Variants in PLA2R1 observed in about 807,000 individuals in gnomAD.
The protein encoded by PLA2R1 is phospholipase A2 receptor 1.
PLA2R1 carries 158 observed loss-of-function variants against 195.9 expected under a neutral mutation model. That is an observed-to-expected ratio of 0.81 (90% confidence interval 0.71 to 0.92). The LOEUF is 0.92. Ranked by LOEUF, PLA2R1 falls within the 40% of genes least tolerant of loss-of-function variation. PLA2R1 has a pLI of 0.00. For missense variants in PLA2R1, 1,626 were observed against 1,764.6 expected (o/e 0.92, Z 1.41); for synonymous variants, 586 against 598.2 (o/e 0.98, Z 0.30).
intron 3 of PLA2R1, among the ~76,000 whole-genome samples, chr2:160,040,302 C>T (rs1407310662): frequency 6.6e-6 from 1 of 151,654 alleles, no homozygotes; most frequent in Non-Finnish European, 1.5e-5. Flanking sequence ...TGCACCCCAC[C>T]CCCACATTGT....
chr2:159,962,241 T>C (rs1417316407), intron 20 of PLA2R1, among the ~76,000 whole-genome samples: 1 of 152,104 alleles, frequency 6.6e-6, no homozygotes, highest in Non-Finnish European at 1.5e-5. Context: ...AACAGACACT[T>C]CTCAAAAGAA....
At chr2:159,987,127 T>C (rs1341402747) in intron 12 of PLA2R1, 29 bp downstream of exon 12, 1 of 1,530,946 alleles carries the variant, frequency 6.5e-7, no homozygotes, top group Non-Finnish European at 9.1e-7. Flanking sequence ...TTGGTCCTGT[T>C]AAGAATGTCC....
intron 8 of PLA2R1, among the ~76,000 whole-genome samples, chr2:160,016,961 T>C (rs1692814743): frequency 6.6e-6 from 1 of 152,196 alleles, no homozygotes; most frequent in African/African-American, 2.4e-5. Context: ...TATTAACAAC[T>C]GGTGCTTCTT....
intron 2 of PLA2R1, among the ~76,000 whole-genome samples, chr2:160,042,858 GGAGAGAGAGAGA>G (rs34457845): frequency 2.1e-5 from 3 of 139,736 alleles, no homozygotes; most frequent in Non-Finnish European, 3.1e-5. Flanking sequence ...TGAGACAGAG[GGAGAGAGAGAGA>G]GAGAGAGAAA....
At chr2:159,961,547 T>C (rs1003224892) in intron 20 of PLA2R1, among the ~76,000 whole-genome samples, 14 of 152,336 alleles carry the variant, frequency 9.2e-5, no homozygotes, top group Non-Finnish European at 1.5e-5. Flanking sequence ...TAGTTATCAA[T>C]AATTTTTTTT....
chr2:160,006,210 G>T (rs1427972424), intron 10 of PLA2R1, among the ~76,000 whole-genome samples: 1 of 152,178 alleles, frequency 6.6e-6, no homozygotes, highest in Non-Finnish European at 1.5e-5. Context: ...ACGGGGTAAA[G>T]GTGGGCAGGA....
At chr2:160,037,704 T>C (rs1279621859) in intron 3 of PLA2R1, among the ~76,000 whole-genome samples, 2 of 152,208 alleles carry the variant, frequency 1.3e-5, no homozygotes, top group African/African-American at 4.8e-5. Context: ...GTCTGTATCA[T>C]GCATCTCCGT....
chr2:159,935,063 T>C lies in PLA2R1; in HGVS notation c.*6715A>G, dbSNP rs1169029123. ...TCCCTCAACTTGGATTTGTCTAATG[T>C]TTTTTCATGATTGAGATTATGCATT... On this transcript the variant is annotated 3_prime_UTR_variant, in exon 30 of 30. Coordinates refer to ENST00000283243, the MANE Select transcript of PLA2R1 (RefSeq NM_007366.5). The C allele has an allele frequency of 6.6e-6, 1 of 152,198 alleles. No individual in the cohort carries two copies. Among genetic ancestry groups the C allele is most frequent in the Non-Finnish European group, 1.5e-5 (1 of 68,040 alleles). 9.4% of individuals were successfully genotyped at this position (152,198 alleles called of 1,614,324 possible).
At chr2:160,040,654 A>G (rs553258671) in intron 3 of PLA2R1, among the ~76,000 whole-genome samples, 8 of 152,210 alleles carry the variant, frequency 5.3e-5, no homozygotes, top group Non-Finnish European at 1.0e-4. Context: ...ATTTTCTGGC[A>G]TACAGCAAAC....
chr2:159,944,807 C>T lies in PLA2R1; in HGVS notation c.4144+99G>A, dbSNP rs138252764. On this transcript the variant is annotated intron_variant, in intron 28 of 29. Coordinates refer to ENST00000283243, the MANE Select transcript of PLA2R1 (RefSeq NM_007366.5). Reference sequence around the variant, plus strand: ...TAATGTCAGAATCTATCTGAATACTCTCTCAACTTGGATTTTAAAACCTTT... The same window carrying T: ...TAATGTCAGAATCTATCTGAATACTTTCTCAACTTGGATTTTAAAACCTTT... The T allele has an allele frequency of 1.2e-3, 1,010 of 848,722 alleles. 4 individuals carry two copies. The Middle Eastern group carries it at 0.036, about 31-fold the overall frequency. 52.6% of individuals were successfully genotyped at this position (848,722 alleles called of 1,614,324 possible). A position where few individuals can be genotyped will look rare whatever the true frequency, so the allele number is the denominator to read the frequency against.
Position 160,062,476 on chromosome 2 carries a change from C to T in PLA2R1, c.-73G>A, listed in dbSNP as rs1696036709. 2.1e-6 allele frequency: 3 copies of T among 1,450,306 alleles called. No homozygotes were observed. The highest frequency in any genetic ancestry group is 3.0e-5 in the African/African-American group (2 of 66,184). The allele number at this position is 1,450,306 out of a possible 1,614,324, so 89.8% of individuals were successfully genotyped here. A position where few individuals can be genotyped will look rare whatever the true frequency, so the allele number is the denominator to read the frequency against. ...ATCCCGGGAGCCCAGAGCCGCGTCC[C>T]AAGCACCCGGCCCCGCCGCGCGGAA... On this transcript the variant is annotated 5_prime_UTR_variant, in exon 1 of 30. Coordinates refer to ENST00000283243, the MANE Select transcript of PLA2R1 (RefSeq NM_007366.5).
intron 12 of PLA2R1, among the ~76,000 whole-genome samples, chr2:159,985,714 A>G (rs1488426133): frequency 1.3e-5 from 2 of 152,242 alleles, no homozygotes; most frequent in African/African-American, 4.8e-5. Context: ...GTTTACAAAC[A>G]ATATGAAATT....
intron 8 of PLA2R1, among the ~76,000 whole-genome samples, chr2:160,019,489 C>A (rs1692967690): frequency 6.6e-6 from 1 of 152,372 alleles, no homozygotes; most frequent in African/African-American, 2.4e-5. Flanking sequence ...TACCCTAAGT[C>A]AACTCTGGTG....
chr2:159,988,978 G>A (rs113234721), intron 11 of PLA2R1, among the ~76,000 whole-genome samples: 21 of 152,332 alleles, frequency 1.4e-4, no homozygotes, highest in Admixed American at 3.9e-4. Flanking sequence ...CACCAGCATC[G>A]CCATGGCAAG....
the PLA2R1 span, among the ~76,000 whole-genome samples, chr2:159,926,221 A>G: frequency 0.69 from 104,450 of 152,148 alleles, 37,180 homozygotes; most frequent in Non-Finnish European, 0.78. Flanking sequence ...AAGCTACCTC[A>G]TGTATTATAA....
In PLA2R1 at chr2:159,937,173, C is replaced by T. The variant is rs1686872864; in HGVS notation, c.*4605G>A. Reference sequence around the variant, plus strand: ...CATTAGAATGATTCATGTCAATTTCCTACAAGTAAAATTAAAAGGCTTTAC... The same window carrying T: ...CATTAGAATGATTCATGTCAATTTCTTACAAGTAAAATTAAAAGGCTTTAC... On this transcript the variant is annotated 3_prime_UTR_variant, in exon 30 of 30. Transcript: ENST00000283243. 6.6e-6 allele frequency: 1 copy of T among 152,080 alleles called. No homozygotes were observed. The highest frequency in any genetic ancestry group is 1.5e-5 in the Non-Finnish European group (1 of 68,000). The allele number at this position is 152,080 out of a possible 1,614,324, so 9.4% of individuals were successfully genotyped here. A position where few individuals can be genotyped will look rare whatever the true frequency, so the allele number is the denominator to read the frequency against.
chr2:159,968,181 T>A (rs777776251), intron 19 of PLA2R1, among the ~76,000 whole-genome samples: 2 of 151,480 alleles, frequency 1.3e-5, no homozygotes, highest in Non-Finnish European at 2.9e-5. Context: ...CATATAGACA[T>A]GTCTTCAGTA....
At chr2:160,061,875 T>C (rs16844726) in intron 1 of PLA2R1, among the ~76,000 whole-genome samples, 24,561 of 152,138 alleles carry the variant, frequency 0.16, 2,857 homozygotes, top group African/African-American at 0.31. Flanking sequence ...CCCTGAGCGC[T>C]TGCTTTGCAA....
chr2:159,928,195 C>T (rs914814179), downstream of PLA2R1, among the ~76,000 whole-genome samples: 5 of 152,120 alleles, frequency 3.3e-5, no homozygotes, highest in South Asian at 2.1e-4. Context: ...AGGTAGATGT[C>T]GTAATGCCAA....
Sources: gnomAD v4.1 joint callset for allele counts (sites outside exome capture counted in the v4.1 genomes callset) on GRCh38, gnomAD v4.1.1 for gene constraint, MANE v1.5 for transcripts, NCBI Gene and HGNC (gene_info 2026-07-23, HGNC 2026-07-21) for gene names.